Variants in ADK observed in about 807,000 individuals in gnomAD.
ADK encodes N6,N6-dimethyladenosine kinase.
In ADK, 24 loss-of-function variants were observed where a neutral mutation model predicts 44.7. The observed-to-expected ratio is 0.54, with a 90% CI of 0.39 to 0.76. ADK has a LOEUF of 0.76. Ranked by LOEUF, ADK falls within the 30% of genes least tolerant of loss-of-function variation. The pLI is 0.00. For synonymous variants in ADK, 128 were observed against 142.6 expected (o/e 0.90, Z 0.73); for missense variants, 321 against 425.1 (o/e 0.76, Z 2.15).
At chr10:74,505,701 T>C (rs1848046131) in intron 6 of ADK, among the ~76,000 whole-genome samples, 1 of 152,192 alleles carries the variant, frequency 6.6e-6, no homozygotes, top group Non-Finnish European at 1.5e-5. Context: ...CATGATTTGA[T>C]TCTTTCAGAT....
At chr10:74,682,575 C>CTTTTCTTTTTT in intron 10 of ADK, among the ~76,000 whole-genome samples, 1 of 133,020 alleles carries the variant, frequency 7.5e-6, no homozygotes, top group African/African-American at 2.9e-5. Context: ...CTTTTCTTTT[C>CTTTTCTTTTTT]TTTTTTTTTT....
intron 9 of ADK, among the ~76,000 whole-genome samples, chr10:74,607,901 C>T (rs1852388451): frequency 6.6e-6 from 1 of 151,894 alleles, no homozygotes; most frequent in Non-Finnish European, 1.5e-5. Context: ...TTCATATAGT[C>T]CCATATTTCT....
At chr10:74,589,454 C>T (rs1246702495) in intron 8 of ADK, 137 bp downstream of exon 8, 2 of 883,116 alleles carry the variant, frequency 2.3e-6, no homozygotes, top group Non-Finnish European at 3.7e-6. Flanking sequence ...ACTTGGCAGT[C>T]GTCATGGTTT....
At chr10:74,587,988 C>A (rs1483827631) in intron 7 of ADK, among the ~76,000 whole-genome samples, 2 of 151,908 alleles carry the variant, frequency 1.3e-5, no homozygotes, top group African/African-American at 2.4e-5. Context: ...TTTAACCATA[C>A]ATATTTTTAA....
rs961327039 is a variant in ADK at position 74,496,499 on chromosome 10, T to C, written c.556-28757T>C. 2.6e-5 allele frequency among the ~76,000 whole-genome samples: 4 copies of C among 152,252 alleles called. No individual in the cohort carries two copies. The East Asian group carries it at 7.7e-4, about 29-fold the overall frequency. ...TGTGAAGAGGTACCTTCCGCCATGA[T>C]TGTAAGTTTCCTGAGGCTTCCAGCC... On this transcript the variant is annotated intron_variant, in intron 6 of 10. Transcript: ENST00000539909.
At chr10:74,158,982 T>A (rs1841824827) in intron 1 of ADK, among the ~76,000 whole-genome samples, 1 of 152,218 alleles carries the variant, frequency 6.6e-6, no homozygotes. Flanking sequence ...CAAAATGGTC[T>A]CCCAAACTGA....
intron 4 of ADK, among the ~76,000 whole-genome samples, chr10:74,321,265 T>C (rs1840798206): frequency 6.6e-6 from 1 of 152,068 alleles, no homozygotes; most frequent in Admixed American, 6.6e-5. Context: ...TATTATAACA[T>C]TGAGGCTATA....
At chr10:74,295,331 ACGTG>A (rs1158379891) in intron 3 of ADK, among the ~76,000 whole-genome samples, 1 of 147,620 alleles carries the variant, frequency 6.8e-6, no homozygotes, top group East Asian at 2.0e-4. Context: ...GCATGGTGGC[ACGTG>A]CTTGTAATCC....
intron 6 of ADK, among the ~76,000 whole-genome samples, chr10:74,468,900 A>G (rs1846452162): frequency 6.6e-6 from 1 of 152,112 alleles, no homozygotes; most frequent in African/African-American, 2.4e-5. Flanking sequence ...TCTCAGTAAT[A>G]ATAGTTTCTA....
chr10:74,478,814 C>T (rs527834883), intron 6 of ADK, among the ~76,000 whole-genome samples: 5 of 152,142 alleles, frequency 3.3e-5, no homozygotes, highest in Non-Finnish European at 7.4e-5. Flanking sequence ...GATTCTGCCC[C>T]ATTCTCCATC....
intron 3 of ADK, among the ~76,000 whole-genome samples, chr10:74,293,825 A>C (rs11000964): frequency 0.65 from 98,744 of 152,010 alleles, 33,318 homozygotes; most frequent in Middle Eastern, 0.8. Flanking sequence ...GAAAGGTATA[A>C]AAATCATAAG....
At chr10:74,550,942 A>G (rs756261027) in intron 7 of ADK, among the ~76,000 whole-genome samples, 1 of 152,148 alleles carries the variant, frequency 6.6e-6, no homozygotes, top group Non-Finnish European at 1.5e-5. Context: ...CGTTCAAGCA[A>G]TCCTCCTGCT....
chr10:74,498,769 T>G (rs1261793131), intron 6 of ADK, among the ~76,000 whole-genome samples: 1 of 152,138 alleles, frequency 6.6e-6, no homozygotes, highest in Admixed American at 6.5e-5. Context: ...AGTGAGAACA[T>G]GTACACTATT....
At chr10:74,406,584 C>T (rs1164366340) in intron 6 of ADK, among the ~76,000 whole-genome samples, 1 of 150,782 alleles carries the variant, frequency 6.6e-6, no homozygotes, top group African/African-American at 2.4e-5. Context: ...TGTAGTTGAC[C>T]CATGTCTCAG....
intron 6 of ADK, among the ~76,000 whole-genome samples, chr10:74,457,304 C>A (rs980078393): frequency 6.6e-6 from 1 of 152,152 alleles, no homozygotes; most frequent in Non-Finnish European, 1.5e-5. Flanking sequence ...CCTGAATAGA[C>A]CAATAACAAG....
chr10:74,528,335 A>T (rs567732503), intron 7 of ADK: 20 of 184,630 alleles, frequency 1.1e-4, no homozygotes, highest in Non-Finnish European at 2.0e-4. Flanking sequence ...GACATGTAAA[A>T]AGAAGGTGGA....
At chr10:74,580,692 C>T (rs1564803428) in intron 7 of ADK, among the ~76,000 whole-genome samples, 1 of 152,074 alleles carries the variant, frequency 6.6e-6, no homozygotes, top group African/African-American at 2.4e-5. Context: ...GCTTCCCCAG[C>T]CACATGGAAC....
At chr10:74,278,594 T>G (rs1846793098) in intron 3 of ADK, among the ~76,000 whole-genome samples, 1 of 152,212 alleles carries the variant, frequency 6.6e-6, no homozygotes, top group African/African-American at 2.4e-5. Context: ...TGATAACAAT[T>G]ACATGTAGTT....
chr10:74,266,841 A>G (rs1018553571), intron 3 of ADK, among the ~76,000 whole-genome samples: 4 of 152,212 alleles, frequency 2.6e-5, no homozygotes, highest in African/African-American at 9.6e-5. Flanking sequence ...TTCATATTGA[A>G]ATTATATAAT....
Sources: gnomAD v4.1 joint callset for allele counts (sites outside exome capture counted in the v4.1 genomes callset) on GRCh38, gnomAD v4.1.1 for gene constraint, MANE v1.5 for transcripts, NCBI Gene and HGNC (gene_info 2026-07-23, HGNC 2026-07-21) for gene names.